LUZP2: variants seen among roughly 807,000 people sequenced by gnomAD.
The protein encoded by LUZP2 is leucine zipper protein 2.
In LUZP2, 52 loss-of-function variants were observed where a neutral mutation model predicts 51.6. That is an observed-to-expected ratio of 1.01 (90% CI 0.81 to 1.27). The LOEUF (loss-of-function observed/expected upper bound fraction) is 1.27. Ranked by LOEUF, LUZP2 falls within the 50% of genes most tolerant of loss-of-function variation. The pLI is 0.00. For missense variants in LUZP2, 436 were observed against 395.4 expected (o/e 1.10, Z -0.87); for synonymous variants, 154 against 137.3 (o/e 1.12, Z -0.85).
intron 1 of LUZP2, among the ~76,000 whole-genome samples, chr11:24,665,045 A>C (rs1856167462): frequency 6.6e-6 from 1 of 152,150 alleles, no homozygotes; most frequent in African/African-American, 2.4e-5. Context: ...AAGACACTCA[A>C]CGTCAGTATG....
rs67542459 is a variant in LUZP2, at chr11:25,046,226, CAA to C, written c.766-3802_766-3801del. Among the ~76,000 whole-genome samples, 5 of 144,628 alleles carry C rather than the reference CAA, an allele frequency of 3.5e-5. No individual in the cohort carries two copies. In the East Asian group the frequency reaches 1.0e-3, roughly 29 times the overall value. 94.9% of individuals were successfully genotyped at this position (144,628 alleles called of 152,430 possible). Reference sequence around the variant, plus strand: ...ATACCATGAGAGAAAAGTAATCCTCCAAAAAAAAAAATGAGTCAATGATTATT... The same window carrying C: ...ATACCATGAGAGAAAAGTAATCCTCCAAAAAAAAATGAGTCAATGATTATT... On this transcript the variant is annotated intron_variant, in intron 9 of 11. Transcript: ENST00000336930.
chr11:25,077,341 T>C lies in LUZP2; in HGVS notation c.871T>C (p.Cys291Arg). Residue 291 changes from cysteine (C) to arginine (R), a missense_variant, in exon 11 of 12, where the codon TGT (cysteine) becomes CGT (arginine). Transcript: ENST00000336930. The part of the protein sequence containing the change: ...ACDSQDEGRP[C>R]SMKHKESPPS... The stretch of plus-strand genomic sequence containing the variant: ...GCTACTTTTGTAGGAGGGCAGACCG[T>C]GTTCCATGAAGCACAAAGAAAGTCC... 6.2e-7 allele frequency: 1 copy of C among 1,612,432 alleles called. No individual in the cohort carries two copies. Among genetic ancestry groups the C allele is most frequent in the Admixed American group, 1.7e-5 (1 of 59,992 alleles).
chr11:25,044,346 T>C (rs561666820), intron 9 of LUZP2, among the ~76,000 whole-genome samples: 1 of 148,786 alleles, frequency 6.7e-6, no homozygotes, highest in African/African-American at 2.5e-5. Flanking sequence ...CATATTCCTT[T>C]CACTCCAATA....
At chr11:24,923,167 C>T (rs1332274308) in intron 7 of LUZP2, among the ~76,000 whole-genome samples, 4 of 151,384 alleles carry the variant, frequency 2.6e-5, no homozygotes, top group Admixed American at 2.0e-4. Flanking sequence ...ATATCTTAAT[C>T]GAAGTATTTT....
At chr11:25,028,607 G>A (rs1472478156) in intron 9 of LUZP2, among the ~76,000 whole-genome samples, 3 of 151,586 alleles carry the variant, frequency 2.0e-5, no homozygotes, top group Non-Finnish European at 4.4e-5. Context: ...TGAACTCTAT[G>A]TACTATTTTT....
At chr11:24,654,319 G>C (rs146416054) in intron 1 of LUZP2, among the ~76,000 whole-genome samples, 22 of 152,226 alleles carry the variant, frequency 1.4e-4, no homozygotes, top group Non-Finnish European at 2.9e-4. Context: ...TAAATATTCT[G>C]TCAGCTAAAA....
chr11:24,869,839 C>G (rs10834514), intron 5 of LUZP2, among the ~76,000 whole-genome samples: 1 of 151,916 alleles, frequency 6.6e-6, no homozygotes, highest in Non-Finnish European at 1.5e-5. Flanking sequence ...AAGAAAGAGT[C>G]GCAAGTCTCT....
chr11:24,918,042 G>T (rs1443536385), intron 7 of LUZP2, among the ~76,000 whole-genome samples: 1 of 151,858 alleles, frequency 6.6e-6, no homozygotes, highest in East Asian at 1.9e-4. Context: ...CCTTGAAGAG[G>T]TCCTTCACAT....
At chr11:24,902,325 C>T (rs1404645529) in intron 5 of LUZP2, among the ~76,000 whole-genome samples, 1 of 152,138 alleles carries the variant, frequency 6.6e-6, no homozygotes, top group Non-Finnish European at 1.5e-5. Flanking sequence ...ACCCTCAACA[C>T]TCAGGTAAAA....
intron 7 of LUZP2, among the ~76,000 whole-genome samples, chr11:24,969,463 T>A (rs2133893412): frequency 6.6e-6 from 1 of 152,278 alleles, no homozygotes; most frequent in African/African-American, 2.4e-5. Context: ...ATTTCTTATT[T>A]TTTATGTTTT....
At chr11:24,921,221 C>T (rs980162492) in intron 7 of LUZP2, among the ~76,000 whole-genome samples, 4 of 151,936 alleles carry the variant, frequency 2.6e-5, no homozygotes, top group Admixed American at 1.3e-4. Flanking sequence ...GAGGGGGGCT[C>T]GGAACAAAGA....
intron 1 of LUZP2, among the ~76,000 whole-genome samples, chr11:24,545,311 C>A (rs1851504998): frequency 6.6e-6 from 1 of 151,958 alleles, no homozygotes. Flanking sequence ...GCTTTTGTTG[C>A]AATTACTTTT....
At chr11:24,566,052 T>TA (rs986810770) in intron 1 of LUZP2, among the ~76,000 whole-genome samples, 4 of 151,148 alleles carry the variant, frequency 2.6e-5, no homozygotes, top group African/African-American at 7.3e-5. Flanking sequence ...GCAACAATAA[T>TA]AAAAAAAATT....
intron 7 of LUZP2, among the ~76,000 whole-genome samples, chr11:24,948,715 G>A (rs943405355): frequency 6.6e-6 from 1 of 151,602 alleles, no homozygotes; most frequent in Non-Finnish European, 1.5e-5. Context: ...CCTCTTCTCT[G>A]AATGAAAAAC....
At chr11:24,891,158 C>A in intron 5 of LUZP2, 1 of 984,920 alleles carries the variant, frequency 1.0e-6, no homozygotes, top group Non-Finnish European at 1.2e-6. Flanking sequence ...TGACAAAAGT[C>A]TACTTAACCG....
At chr11:25,024,232 G>A (rs960765944) in intron 9 of LUZP2, among the ~76,000 whole-genome samples, 2 of 152,028 alleles carry the variant, frequency 1.3e-5, no homozygotes, top group African/African-American at 4.8e-5. Flanking sequence ...TTTGAAAACT[G>A]GCACAAGACA....
chr11:24,994,584 T>C (rs944146648), intron 9 of LUZP2, among the ~76,000 whole-genome samples: 5 of 152,208 alleles, frequency 3.3e-5, no homozygotes, highest in African/African-American at 1.2e-4. Flanking sequence ...TCTTTGTATT[T>C]AAAGTTTGCT....
intron 7 of LUZP2, among the ~76,000 whole-genome samples, chr11:24,950,451 G>GA (rs1446819823): frequency 6.6e-6 from 1 of 151,542 alleles, no homozygotes; most frequent in East Asian, 1.9e-4. Flanking sequence ...GGGCTAGGTA[G>GA]AAAAATCAAA....
intron 1 of LUZP2, among the ~76,000 whole-genome samples, chr11:24,662,530 T>C (rs1232048282): frequency 6.6e-6 from 1 of 152,034 alleles, no homozygotes; most frequent in East Asian, 1.9e-4. Flanking sequence ...AATCGAAACA[T>C]CATTCTATAA....
Sources: allele counts gnomAD v4.1 joint callset (sites outside exome capture counted in the v4.1 genomes callset), GRCh38; gene constraint gnomAD v4.1.1; transcripts MANE v1.5; gene names NCBI Gene and HGNC (gene_info 2026-07-23, HGNC 2026-07-21).